Variants in ZNF469 observed in about 807,000 individuals in gnomAD.
ZNF469 encodes zinc finger protein 469.
In ZNF469, 1 loss-of-function variant was observed where a neutral mutation model predicts 1.0. The ratio of observed to expected loss-of-function variants is 1.00; its 90% CI spans 0.35 to 4.73. ZNF469 has a LOEUF of 4.73. Ranked by LOEUF, ZNF469 falls within the 30% of genes most tolerant of loss-of-function variation. ZNF469 has a pLI of 0.16. For missense variants in ZNF469, 6,100 were observed against 5,356.3 expected, an observed-to-expected ratio of 1.14 and a Z score of -4.33; for synonymous variants, 2,703 against 2,363.4, an observed-to-expected ratio of 1.14 and a Z score of -4.17.
chr16:88,419,211 G>A (rs982456983), intron 1 of ZNF469, among the ~76,000 whole-genome samples: 13 of 152,250 alleles, frequency 8.5e-5, no homozygotes, highest in African/African-American at 1.9e-4. Flanking sequence ...TTCAGGGGCC[G>A]TGCCAAGCCA....
chr16:88,339,192 G>C, the ZNF469 span, among the ~76,000 whole-genome samples: 7,606 of 128,930 alleles, frequency 0.059, 378 homozygotes, highest in East Asian at 0.12. Flanking sequence ...GTGGCAGGGG[G>C]ATGTGGGGAC....
chr16:88,425,191 A>T (rs1391958732), intron 2 of ZNF469, among the ~76,000 whole-genome samples: 1 of 149,548 alleles, frequency 6.7e-6, no homozygotes, highest in Non-Finnish European at 1.5e-5. Flanking sequence ...TGTTCTCAAC[A>T]CTCCTCCCCA....
At chr16:88,417,254 T>C (rs1175998643) in intron 1 of ZNF469, among the ~76,000 whole-genome samples, 1 of 143,520 alleles carries the variant, frequency 7.0e-6, no homozygotes, top group Non-Finnish European at 1.5e-5. Flanking sequence ...GCCCACACCC[T>C]TTCTGAGCCA....
At chr16:88,396,833 A>C (rs77684149) in intron 1 of ZNF469, among the ~76,000 whole-genome samples, 1 of 39,620 alleles carries the variant, frequency 2.5e-5, no homozygotes, top group African/African-American at 1.1e-4. Flanking sequence ...TCTGAAGGGA[A>C]GCCTGGAGGA....
the ZNF469 span, among the ~76,000 whole-genome samples, chr16:88,371,126 G>A: frequency 6.6e-6 from 1 of 152,250 alleles, no homozygotes; most frequent in Admixed American, 6.5e-5. Flanking sequence ...TCTAGTTACT[G>A]TTTAAGCTGT....
Position 88,435,003 on chromosome 16 carries a change from T to C in ZNF469, c.7533T>C (p.Pro2511=). The C allele has an allele frequency of 6.5e-7, 1 of 1,550,284 alleles. No individual in the cohort carries two copies. Among genetic ancestry groups the C allele is most frequent in the Non-Finnish European group, 8.7e-7 (1 of 1,146,966 alleles). ...APAEPSPAAL[P]AQQPLEPLAQ... ...CGGAGCCGAGCCCAGCGGCCTTGCCTGCTCAGCAGCCTCTAGAGCCCCTAG... is the reference window on the plus strand; with the variant it reads ...CGGAGCCGAGCCCAGCGGCCTTGCCCGCTCAGCAGCCTCTAGAGCCCCTAG... Residue 2511 remains proline (P), a synonymous_variant, in exon 3 of 3, where the codon CCT becomes CCC. Coordinates refer to ENST00000565624, the MANE Select transcript of ZNF469 (RefSeq NM_001367624.2).
chr16:88,291,993 AC>A, the ZNF469 span, among the ~76,000 whole-genome samples: 2 of 152,182 alleles, frequency 1.3e-5, no homozygotes, highest in Non-Finnish European at 2.9e-5. Context: ...GGTATGAGGC[AC>A]ATATTCTGTG....
chr16:88,231,430 T>G, the ZNF469 span, among the ~76,000 whole-genome samples: 1 of 152,224 alleles, frequency 6.6e-6, no homozygotes, highest in Non-Finnish European at 1.5e-5. The surrounding 1 kb of genome is among the most constrained non-coding windows in gnomAD (Gnocchi z 4.5). Flanking sequence ...GGTGTGTCAG[T>G]GCCACGGGGC....
chr16:88,336,581 C>T, the ZNF469 span, among the ~76,000 whole-genome samples: 1 of 152,186 alleles, frequency 6.6e-6, no homozygotes, highest in East Asian at 1.9e-4. Context: ...TCATGTGAGA[C>T]ACTGACATGC....
At chr16:88,408,105 T>C (rs946934698) in intron 1 of ZNF469, among the ~76,000 whole-genome samples, 1 of 152,262 alleles carries the variant, frequency 6.6e-6, no homozygotes, top group African/African-American at 2.4e-5. Flanking sequence ...CAACCTCTTG[T>C]CGTATAGGCC....
chr16:88,415,659 A>C (rs2142286558), intron 1 of ZNF469, among the ~76,000 whole-genome samples: 1 of 152,278 alleles, frequency 6.6e-6, no homozygotes, highest in South Asian at 2.1e-4. Context: ...CCTGCTCAGG[A>C]GCAGGGAGAG....
At chr16:88,281,602 C>T in the ZNF469 span, among the ~76,000 whole-genome samples, 42 of 150,856 alleles carry the variant, frequency 2.8e-4, no homozygotes, top group African/African-American at 8.3e-4. Flanking sequence ...AATTTTGGTG[C>T]GTGGGTTAAT....
intron 1 of ZNF469, among the ~76,000 whole-genome samples, chr16:88,403,508 C>T (rs897292585): frequency 1.3e-5 from 2 of 151,878 alleles, no homozygotes; most frequent in Non-Finnish European, 2.9e-5. Context: ...CAGAGGGCTC[C>T]AGGTCTCGGG....
chr16:88,149,657 G>T, the ZNF469 span, among the ~76,000 whole-genome samples: 1 of 152,218 alleles, frequency 6.6e-6, no homozygotes, highest in African/African-American at 2.4e-5. Flanking sequence ...ACCCCCAGCA[G>T]CTCCTGGAGA....
At chr16:88,341,112 C>A in the ZNF469 span, among the ~76,000 whole-genome samples, 7 of 152,216 alleles carry the variant, frequency 4.6e-5, no homozygotes, top group African/African-American at 1.4e-4. Flanking sequence ...ATCTCTCAGG[C>A]CTTGTGGGCC....
chr16:88,235,783 CGT>C, the ZNF469 span, among the ~76,000 whole-genome samples: 54 of 152,312 alleles, frequency 3.5e-4, no homozygotes, highest in African/African-American at 1.3e-3. Context: ...GAGCGTGACC[CGT>C]GACACAGCTC....
intron 1 of ZNF469, among the ~76,000 whole-genome samples, chr16:88,390,977 A>G (rs1445650347): frequency 6.6e-6 from 1 of 152,246 alleles, no homozygotes; most frequent in Non-Finnish European, 1.5e-5. Flanking sequence ...GCAGCTGCCC[A>G]CACCACAGGC....
At chr16:88,222,345 G>A in the ZNF469 span, among the ~76,000 whole-genome samples, 1 of 152,232 alleles carries the variant, frequency 6.6e-6, no homozygotes, top group African/African-American at 2.4e-5. Context: ...CTGGAATGCA[G>A]TGGTGCAATC....
In ZNF469 at chr16:88,429,318, C is replaced by T; in HGVS notation, c.1848C>T (p.Ala616=). 1 of 1,549,982 alleles carries T rather than the reference C, an allele frequency of 6.5e-7. No individual in the cohort carries two copies. The highest frequency in any genetic ancestry group is 8.7e-7 in the Non-Finnish European group (1 of 1,146,870). Residue 616 remains alanine (A), a synonymous_variant, in exon 3 of 3, where the codon GCC becomes GCT. Coordinates refer to ENST00000565624, the MANE Select transcript of ZNF469 (RefSeq NM_001367624.2). ...TGTCGCCGATGTCCAGCAGCCCAGC[C>T]AACCCCAGCTCAGAGGAAAGCCAGC... ...SSLSPMSSSP[A]NPSSEESQLP... is the part of the protein sequence containing the mutation.
Sources: gnomAD v4.1 joint callset for allele counts (sites outside exome capture counted in the v4.1 genomes callset) on GRCh38, gnomAD v4.1.1 for gene constraint, Gnocchi (gnomAD v3.1) non-coding constraint, MANE v1.5 for transcripts, NCBI Gene and HGNC (gene_info 2026-07-23, HGNC 2026-07-21) for gene names.